Variants in TAF1 observed in about 807,000 individuals in gnomAD.
The protein encoded by TAF1 is TATA-box binding protein associated factor 1, also known as transcription initiation factor TFIID subunit 1.
Under a neutral mutation model 138.5 loss-of-function variants are expected in TAF1, and 2 were observed. The observed-to-expected ratio is 0.01, with a 90% CI of 0.01 to 0.05. The LOEUF (loss-of-function observed/expected upper bound fraction) is 0.05. TAF1 is among the 10% of genes least tolerant of loss of function. TAF1 has a pLI of 1.00. For missense variants in TAF1, 709 were observed against 1,478.0 expected (o/e 0.48, Z 8.53); for synonymous variants, 437 against 503.2 (o/e 0.87, Z 1.76).
intron 13 of TAF1, among the ~76,000 whole-genome samples, chrX:71,503,342 A>ATATG (rs1569408546): frequency 1.0e-5 from 1 of 96,613 alleles, no homozygotes; most frequent in African/African-American, 4.0e-5. Context: ...ATATATATAT[A>ATATG]TGTGTATATA....
intron 27 of TAF1, 107 bp downstream of exon 27, chrX:71,407,779 C>A: frequency 1.0e-6 from 1 of 994,437 alleles, no homozygotes; most frequent in Non-Finnish European, 1.4e-6. Context: ...AACTGGAATG[C>A]CTAATTTTTA....
intron 13 of TAF1, among the ~76,000 whole-genome samples, chrX:71,489,102 A>G (rs1170998589): frequency 9.3e-6 from 1 of 107,927 alleles, no homozygotes; most frequent in African/African-American, 3.4e-5. Flanking sequence ...AAATTCATCT[A>G]GTTTGTTTCT....
At chrX:71,529,696 T>G (rs745654827) in intron 14 of TAF1, 15 of 330,600 alleles carry the variant, frequency 4.5e-5, no homozygotes, top group African/African-American at 3.7e-4. Flanking sequence ...ACTCTTTACT[T>G]TGTTCTTTGT....
At chrX:71,434,412 C>T (rs1445138755) in intron 32 of TAF1, among the ~76,000 whole-genome samples, 5 of 112,070 alleles carry the variant, frequency 4.5e-5, no homozygotes, top group African/African-American at 1.6e-4. Context: ...ATATTCAGAT[C>T]CTTCACACAT....
chrX:71,463,796 T>G, intron 37 of TAF1, 28 bp from the exon 38 acceptor site: 1 of 1,196,547 alleles, frequency 8.4e-7, no homozygotes, highest in Non-Finnish European at 1.1e-6. Flanking sequence ...GTGTCCGAGC[T>G]TGAGAGATGA....
At chrX:71,408,379 G>A (rs1255306257) in intron 28 of TAF1, among the ~76,000 whole-genome samples, 6 of 110,490 alleles carry the variant, frequency 5.4e-5, no homozygotes, top group Middle Eastern at 4.7e-3. Flanking sequence ...GTGCAGTGGC[G>A]CAATCTTGGC....
intron 32 of TAF1, among the ~76,000 whole-genome samples, chrX:71,436,023 T>C (rs1383258184): frequency 2.8e-5 from 3 of 106,442 alleles, no homozygotes; most frequent in Non-Finnish European, 3.9e-5. Context: ...TTCCTACTAA[T>C]TGAAATGCTA....
downstream of TAF1, among the ~76,000 whole-genome samples, chrX:71,468,110 AGC>A (rs2038802946): frequency 9.1e-6 from 1 of 109,894 alleles, no homozygotes; most frequent in African/African-American, 3.3e-5. Flanking sequence ...TATAAAAATT[AGC>A]CGGGCATGGT....
intron 13 of TAF1, among the ~76,000 whole-genome samples, chrX:71,517,385 C>G (rs1166203617): frequency 8.9e-6 from 1 of 111,895 alleles, no homozygotes; most frequent in African/African-American, 3.2e-5. Flanking sequence ...GTGACAAATA[C>G]CCCATTCACC....
chrX:71,388,393 C>A lies in TAF1; in HGVS notation c.2569+15C>A. 1 of 1,195,593 alleles carries A rather than the reference C, an allele frequency of 8.4e-7. No homozygotes were observed. The highest frequency in any genetic ancestry group is 1.1e-6 in the Non-Finnish European group (1 of 889,764). On this transcript the variant is annotated intron_variant, in intron 16 of 37. Coordinates refer to ENST00000423759, the MANE Select transcript of TAF1 (RefSeq NM_004606.5). The stretch of plus-strand genomic sequence containing the variant: ...CAAACGCACAGGTCGTCTGTTGTGA[C>A]TAGTTATTTGTCTGCCTTTTTCCAA...
At chrX:71,492,983 T>C (rs891982359) in intron 13 of TAF1, 1 of 111,917 alleles carries the variant, frequency 8.9e-6, no homozygotes, top group African/African-American at 3.2e-5. Flanking sequence ...AATGCCCTTC[T>C]CACTGTGCTC....
Position 71,376,946 on chromosome X carries a change from G to A in TAF1, c.473-4G>A, listed in dbSNP as rs112652457. The A allele has an allele frequency of 1.7e-6, 2 of 1,208,978 alleles. No homozygotes were observed. The highest frequency in any genetic ancestry group is 2.2e-6 in the Non-Finnish European group (2 of 894,738). On this transcript the variant is annotated splice_polypyrimidine_tract_variant and splice_region_variant and intron_variant, in intron 4 of 37. Transcript: ENST00000423759. ...GCCAAAGGGGTTTCTCTTCCTTGTT[G>A]CAGTGTCTGAAAATGGAGAAGGCAT...
At chrX:71,386,825 G>A (rs1396739456) in intron 14 of TAF1, among the ~76,000 whole-genome samples, 1 of 112,997 alleles carries the variant, frequency 8.8e-6, no homozygotes, top group Non-Finnish European at 1.9e-5. Flanking sequence ...CACACGTTGT[G>A]TGTTGGGCTA....
chrX:71,406,809 G>T, intron 26 of TAF1, 63 bp downstream of exon 26: 1 of 940,167 alleles, frequency 1.1e-6, no homozygotes, highest in Admixed American at 2.4e-5. Context: ...AGCCCTGTAT[G>T]CCACAGCTCT....
intron 28 of TAF1, among the ~76,000 whole-genome samples, chrX:71,410,443 A>ATTTCTTT (rs2035715780): frequency 1.1e-5 from 1 of 92,772 alleles, no homozygotes; most frequent in African/African-American, 4.1e-5. Context: ...CTTTAGGGGC[A>ATTTCTTT]TTTCTTTTTT....
At chrX:71,427,156 AAG>A (rs923570066) in intron 32 of TAF1, among the ~76,000 whole-genome samples, 5 of 112,238 alleles carry the variant, frequency 4.5e-5, no homozygotes, top group East Asian at 2.8e-4. Flanking sequence ...GGAAGAATGA[AAG>A]AGCAGGGCAA....
intron 13 of TAF1, among the ~76,000 whole-genome samples, chrX:71,501,925 C>T (rs768665556): frequency 6.3e-5 from 7 of 111,529 alleles, no homozygotes; most frequent in South Asian, 3.8e-4. Context: ...AGGATGTGTC[C>T]GGAGTTGGTT....
At chrX:71,398,463 C>T (rs1419884343) in intron 23 of TAF1, 109 bp from the exon 24 acceptor site, 5 of 1,031,181 alleles carry the variant, frequency 4.8e-6, no homozygotes, top group Non-Finnish European at 2.6e-6. Context: ...TTATCTTAGC[C>T]TGGATGGATT....
chrX:71,464,719 T>A lies in TAF1; in HGVS notation c.*673T>A, dbSNP rs1052877305. The A allele has an allele frequency of 8.1e-4, 93 of 114,516 alleles. 2 individuals carry two copies. The highest frequency in any genetic ancestry group is 7.3e-3 in the South Asian group (19 of 2,598). 9.4% of individuals were successfully genotyped at this position (114,516 alleles called of 1,213,427 possible). ...AGATTCAGTCTCAAAAAAAAAAAAATTTCCAAGCATGGTATCATCTCACTT... is the reference window on the plus strand; with the variant it reads ...AGATTCAGTCTCAAAAAAAAAAAAAATTCCAAGCATGGTATCATCTCACTT... On this transcript the variant is annotated 3_prime_UTR_variant, in exon 38 of 38. Transcript: ENST00000423759.
Sources: gnomAD v4.1 joint callset for allele counts (sites outside exome capture counted in the v4.1 genomes callset) on GRCh38, gnomAD v4.1.1 for gene constraint, MANE v1.5 for transcripts, NCBI Gene and HGNC (gene_info 2026-07-23, HGNC 2026-07-21) for gene names.